Variants in MREG observed in about 807,000 individuals in gnomAD.
MREG encodes dilute suppressor protein homolog.
A neutral mutation model predicts 28.5 loss-of-function variants in MREG; 31 were observed. That is an observed-to-expected ratio of 1.09 (90% CI 0.82 to 1.47). The LOEUF is 1.47. Among genes scored for constraint, MREG ranks in the 40% most tolerant of loss-of-function variants. The probability of loss-of-function intolerance (pLI) is 0.00; values close to 1 mark genes in which losing one functional copy is unlikely to be tolerated. For synonymous variants in MREG, 106 were observed against 95.2 expected (o/e 1.11, Z -0.66); for missense variants, 256 against 257.4 (o/e 0.99, Z 0.04).
At chr2:216,019,763 C>T (rs756099916) in intron 1 of MREG, among the ~76,000 whole-genome samples, 1 of 152,088 alleles carries the variant, frequency 6.6e-6, no homozygotes, top group Non-Finnish European at 1.5e-5. Context: ...CCTAGGCCTC[C>T]CAAAGTGCTG....
At chr2:216,033,416 C>A (rs6740769), upstream of MREG, among the ~76,000 whole-genome samples, 8,372 of 152,044 alleles carry the variant, frequency 0.055, 251 homozygotes, top group African/African-American at 0.09. Flanking sequence ...GGGATTCGAA[C>A]CCAAGCAGTT....
chr2:215,988,084 C>T (rs1006074631), intron 2 of MREG, among the ~76,000 whole-genome samples: 6 of 152,160 alleles, frequency 3.9e-5, no homozygotes, highest in African/African-American at 1.2e-4. Flanking sequence ...ATTTCTTAGG[C>T]AAGAGGAAGA....
rs11403129 is a variant in MREG at position 215,959,961 on chromosome 2, C to CTTT, written c.256-12851_256-12849dup. Among the ~76,000 whole-genome samples the CTTT allele has an allele frequency of 1.6e-4, 24 of 148,690 alleles. 1 individual carries two copies. Among genetic ancestry groups the CTTT allele is most frequent in the Non-Finnish European group, 2.2e-4 (15 of 67,174 alleles). On this transcript the variant is annotated intron_variant, in intron 2 of 4. Transcript: ENST00000263268. ...AGAGTTACTGACTGTATAGATACTCCTTTTTTTTTTTTGAGACGGAGTCTC... is the reference window on the plus strand; with the variant it reads ...AGAGTTACTGACTGTATAGATACTCCTTTTTTTTTTTTTTTGAGACGGAGTCTC...
At chr2:215,948,984 C>T (rs1453288772) in intron 2 of MREG, among the ~76,000 whole-genome samples, 1 of 150,146 alleles carries the variant, frequency 6.7e-6, no homozygotes, top group African/African-American at 2.5e-5. Context: ...GAGCAGATCA[C>T]TTGAGGTCAG....
chr2:215,946,468 T>C (rs1326494404), intron 3 of MREG, among the ~76,000 whole-genome samples: 1 of 150,586 alleles, frequency 6.6e-6, no homozygotes, highest in Admixed American at 6.6e-5. Flanking sequence ...TTATATAATG[T>C]GGGGGCCACA....
intron 2 of MREG, among the ~76,000 whole-genome samples, chr2:215,973,164 G>A (rs1034578528): frequency 6.6e-6 from 1 of 152,174 alleles, no homozygotes; most frequent in African/African-American, 2.4e-5. Flanking sequence ...CAGGACAACA[G>A]AGGGAATGAC....
chr2:215,955,093 A>T (rs1692588301), intron 2 of MREG, among the ~76,000 whole-genome samples: 1 of 152,248 alleles, frequency 6.6e-6, no homozygotes, highest in Admixed American at 6.5e-5. Context: ...CTCCACAGGT[A>T]ATTAATGTTA....
At chr2:215,971,021 C>T (rs1387258529) in intron 2 of MREG, among the ~76,000 whole-genome samples, 1 of 152,058 alleles carries the variant, frequency 6.6e-6, no homozygotes, top group Non-Finnish European at 1.5e-5. Context: ...TAATTCTCAG[C>T]AAACTAACAC....
intron 2 of MREG, among the ~76,000 whole-genome samples, chr2:215,959,239 C>T (rs1304077373): frequency 2.0e-5 from 3 of 152,128 alleles, no homozygotes; most frequent in African/African-American, 4.8e-5. Context: ...TTACTTTAGT[C>T]GTCACCTCAA....
At chr2:215,978,568 C>G (rs1693323123) in intron 2 of MREG, among the ~76,000 whole-genome samples, 1 of 152,116 alleles carries the variant, frequency 6.6e-6, no homozygotes, top group Non-Finnish European at 1.5e-5. Context: ...AAACCTGGCA[C>G]AGACACAACA....
rs924345899 is a variant in MREG, at chr2:215,942,811, A to G, written c.*2052T>C. On this transcript the variant is annotated 3_prime_UTR_variant, in exon 5 of 5. Transcript: ENST00000263268. ...AAAACAATACGACATCCTTAGGTTT[A>G]TTTATTTTATTGTTTGTTTCACTGT... 1 of 152,596 alleles carries G rather than the reference A, an allele frequency of 6.6e-6. No homozygotes were observed. Among genetic ancestry groups the G allele is most frequent in the East Asian group, 1.9e-4 (1 of 5,202 alleles). 9.5% of individuals were successfully genotyped at this position (152,596 alleles called of 1,614,324 possible).
At position 215,958,095 on chromosome 2, in the gene MREG, G is replaced by A. The variant is rs111638520; in HGVS notation, c.256-10982C>T. Among the ~76,000 whole-genome samples the A allele has an allele frequency of 3.1e-3, 458 of 147,330 alleles. 2 individuals are homozygous for A. Among genetic ancestry groups the A allele is most frequent in the African/African-American group, 9.8e-3 (389 of 39,778 alleles). On this transcript the variant is annotated intron_variant, in intron 2 of 4. Transcript: ENST00000263268. ...CACAGGAAGGGGGACATCACACACC[G>A]GGGACTGTTGTGGGGTGGAGGGAGG... is the stretch of plus-strand genomic sequence containing the variant.
At chr2:216,020,825 A>T (rs1694509148) in intron 1 of MREG, among the ~76,000 whole-genome samples, 1 of 152,208 alleles carries the variant, frequency 6.6e-6, no homozygotes, top group African/African-American at 2.4e-5. Flanking sequence ...AGCCCCGCAA[A>T]ACACACTACA....
intron 2 of MREG, among the ~76,000 whole-genome samples, chr2:215,987,605 G>A (rs1021016039): frequency 1.3e-5 from 2 of 152,126 alleles, no homozygotes; most frequent in African/African-American, 2.4e-5. Context: ...AAGTGGAAGG[G>A]CGCAGTGGCT....
intron 1 of MREG, among the ~76,000 whole-genome samples, chr2:216,020,085 C>T (rs1487580317): frequency 6.6e-6 from 1 of 152,040 alleles, no homozygotes; most frequent in African/African-American, 2.4e-5. Context: ...TGTTTTTCTT[C>T]AAGAAAGTTT....
chr2:216,019,661 T>C (rs1223730311), intron 1 of MREG, among the ~76,000 whole-genome samples: 1 of 151,944 alleles, frequency 6.6e-6, no homozygotes, highest in Admixed American at 6.6e-5. Context: ...CCCGCCACCA[T>C]GCCCGGCTAA....
intron 1 of MREG, 26 bp from the exon 2 acceptor site, chr2:215,996,491 G>A (rs1340002263): frequency 8.2e-6 from 13 of 1,582,436 alleles, no homozygotes; most frequent in Non-Finnish European, 1.0e-5. Flanking sequence ...AGGAAAGATT[G>A]GGGTTTTATA....
intron 2 of MREG, among the ~76,000 whole-genome samples, chr2:215,971,637 G>A (rs1693099786): frequency 6.6e-6 from 1 of 152,162 alleles, no homozygotes; most frequent in Non-Finnish European, 1.5e-5. Context: ...AAAGGTACAG[G>A]CAGAATAAGG....
chr2:215,947,170 C>A (rs1692346604), intron 2 of MREG, 57 bp from the exon 3 acceptor site: 1 of 1,074,020 alleles, frequency 9.3e-7, no homozygotes, highest in South Asian at 1.4e-5. Flanking sequence ...ACCTCTATCT[C>A]ATTCCCAAAC....
Sources: gnomAD v4.1 joint callset for allele counts (sites outside exome capture counted in the v4.1 genomes callset) on GRCh38, gnomAD v4.1.1 for gene constraint, MANE v1.5 for transcripts, NCBI Gene and HGNC (gene_info 2026-07-23, HGNC 2026-07-21) for gene names.